Variants in C3orf49 observed in about 807,000 individuals in gnomAD.
C3orf49 encodes the protein chromosome 3 open reading frame 49, also known as putative uncharacterized protein C3orf49.
Under a neutral mutation model 13.3 loss-of-function variants are expected in C3orf49, and 27 were observed. The observed-to-expected ratio is 2.02, with a 90% CI of 1.49 to 2.79. The LOEUF (loss-of-function observed/expected upper bound fraction) is 2.79. C3orf49 is among the 30% of genes most tolerant of loss of function. The pLI, the probability that C3orf49 is intolerant of heterozygous loss-of-function variation, is 0.00. For synonymous variants in C3orf49, 87 were observed against 47.6 expected (o/e 1.83, Z -3.40); for missense variants, 242 against 134.2 (o/e 1.80, Z -3.97).
intron 1 of C3orf49, 127 bp from the exon 2 acceptor site, chr3:63,823,123 T>C: frequency 1.7e-6 from 1 of 578,734 alleles, no homozygotes; most frequent in Non-Finnish European, 3.1e-6. Flanking sequence ...ATTCTTGGTC[T>C]TCAATTTCAT....
chr3:63,844,888 C>T (rs535639795), intron 5 of C3orf49, 135 bp from the exon 6 acceptor site: 142 of 511,196 alleles, frequency 2.8e-4, no homozygotes, highest in Middle Eastern at 2.1e-3. Flanking sequence ...CAGAGTAAGA[C>T]GGAAAATTGT....
intron 6 of C3orf49, among the ~76,000 whole-genome samples, chr3:63,845,793 C>G (rs1478990960): frequency 1.3e-5 from 2 of 152,100 alleles, no homozygotes; most frequent in Non-Finnish European, 2.9e-5. Context: ...ATCTGAGTAC[C>G]CTCCCTTCTG....
chr3:63,835,502 T>C (rs1447829043), intron 5 of C3orf49: 3 of 896,680 alleles, frequency 3.3e-6, no homozygotes, highest in African/African-American at 3.4e-5. Flanking sequence ...AAAGGGCTTA[T>C]AAGGAGTTAT....
chr3:63,844,783 T>C (rs1335248946), intron 5 of C3orf49, among the ~76,000 whole-genome samples: 2 of 152,350 alleles, frequency 1.3e-5, no homozygotes, highest in East Asian at 3.9e-4. Flanking sequence ...GGCCCTTTGA[T>C]CTTGAATTTC....
intron 5 of C3orf49, among the ~76,000 whole-genome samples, chr3:63,842,596 G>C (rs1251698976): frequency 6.6e-6 from 1 of 152,116 alleles, no homozygotes; most frequent in African/African-American, 2.4e-5. Context: ...AGTAACTCAG[G>C]AATGGAAAAT....
intron 2 of C3orf49, 73 bp from the exon 3 acceptor site, chr3:63,827,528 A>C: frequency 1.6e-6 from 1 of 638,896 alleles, no homozygotes; most frequent in Non-Finnish European, 2.8e-6. Flanking sequence ...TTCTAAGAAT[A>C]CTGTATTTTT....
intron 2 of C3orf49, 80 bp downstream of exon 2, chr3:63,823,649 A>G (rs1258312421): frequency 4.8e-6 from 3 of 624,502 alleles, no homozygotes; most frequent in Admixed American, 5.3e-5. Flanking sequence ...TTGCTACACC[A>G]GTATGGCATC....
intron 6 of C3orf49, 21 bp downstream of exon 6, chr3:63,845,103 T>G (rs1208716915): frequency 2.9e-6 from 2 of 687,462 alleles, no homozygotes; most frequent in Non-Finnish European, 5.3e-6. Context: ...CCTTCTTTTC[T>G]GGGGGTGGGG....
At chr3:63,829,421 T>A (rs547194398) in intron 3 of C3orf49, among the ~76,000 whole-genome samples, 1 of 152,274 alleles carries the variant, frequency 6.6e-6, no homozygotes, top group African/African-American at 2.4e-5. Context: ...AAAGATTAAT[T>A]TCTGTTCAGT....
chr3:63,802,418 A>G, the C3orf49 span, among the ~76,000 whole-genome samples: 121,426 of 152,178 alleles, frequency 0.8, 48,602 homozygotes, highest in South Asian at 0.87. Flanking sequence ...CAGTATTTCC[A>G]TCCTTGTACT....
At chr3:63,830,365 G>C (rs1262455221) in intron 3 of C3orf49, among the ~76,000 whole-genome samples, 1 of 152,200 alleles carries the variant, frequency 6.6e-6, no homozygotes, top group Non-Finnish European at 1.5e-5. Flanking sequence ...TTTGAGCTGG[G>C]CAAGCTGGCA....
chr3:63,789,273 T>TA, the C3orf49 span, among the ~76,000 whole-genome samples: 1 of 152,206 alleles, frequency 6.6e-6, no homozygotes, highest in African/African-American at 2.4e-5. Flanking sequence ...AGTTTCATCC[T>TA]AAAACCATCT....
the C3orf49 span, among the ~76,000 whole-genome samples, chr3:63,790,563 G>T: frequency 6.7e-6 from 1 of 150,148 alleles, no homozygotes; most frequent in African/African-American, 2.5e-5. Flanking sequence ...TCATAGTGCA[G>T]CCAAGTCTAG....
chr3:63,841,810 C>T (rs1397103867), intron 5 of C3orf49, among the ~76,000 whole-genome samples: 1 of 152,114 alleles, frequency 6.6e-6, no homozygotes, highest in Non-Finnish European at 1.5e-5. Flanking sequence ...AATTTTCTTA[C>T]TACAAATGTT....
chr3:63,826,932 G>C (rs886797662), intron 2 of C3orf49: 13 of 151,700 alleles, frequency 8.6e-5, no homozygotes, highest in African/African-American at 2.9e-4. Flanking sequence ...CTGTGCGACA[G>C]AGCGAGACTC....
chr3:63,839,861 A>G (rs1437047803), intron 5 of C3orf49: 1 of 1,076,386 alleles, frequency 9.3e-7, no homozygotes, highest in Non-Finnish European at 1.4e-6. Context: ...TGTTTATTCA[A>G]AAGAAAATTA....
At chr3:63,803,465 C>A in the C3orf49 span, among the ~76,000 whole-genome samples, 1 of 152,158 alleles carries the variant, frequency 6.6e-6, no homozygotes, top group Non-Finnish European at 1.5e-5. Context: ...ATGGGAAGGA[C>A]AAGAGACAGA....
At chr3:63,812,677 T>A in the C3orf49 span, among the ~76,000 whole-genome samples, 1 of 152,196 alleles carries the variant, frequency 6.6e-6, no homozygotes, top group East Asian at 1.9e-4. Flanking sequence ...AATTCATCAA[T>A]TGAGTTGTTT....
chr3:63,839,507 G>T, intron 5 of C3orf49: 1 of 723,096 alleles, frequency 1.4e-6, no homozygotes, highest in East Asian at 2.5e-5. Context: ...GAGAAGAAAA[G>T]GCCAAGAAAA....
Sources: gnomAD v4.1 joint callset for allele counts (sites outside exome capture counted in the v4.1 genomes callset) on GRCh38, gnomAD v4.1.1 for gene constraint, MANE v1.5 for transcripts, NCBI Gene and HGNC (gene_info 2026-07-23, HGNC 2026-07-21) for gene names.